EYA1: variants seen among roughly 807,000 people sequenced by gnomAD.
EYA1 encodes the protein protein phosphatase EYA1.
In EYA1, 16 loss-of-function variants were observed where a neutral mutation model predicts 82.0. That is an observed-to-expected ratio of 0.20 (90% confidence interval 0.13 to 0.30). EYA1 has a LOEUF of 0.30. EYA1 is among the 10% of genes least tolerant of loss of function. EYA1 has a pLI of 1.00. For missense variants in EYA1, 633 were observed against 730.7 expected, an observed-to-expected ratio of 0.87 and a Z score of 1.54; for synonymous variants, 261 against 264.4, an observed-to-expected ratio of 0.99 and a Z score of 0.12.
chr8:71,301,640 G>A (rs576861680), intron 7 of EYA1, among the ~76,000 whole-genome samples: 2 of 152,198 alleles, frequency 1.3e-5, no homozygotes, highest in African/African-American at 4.8e-5. Flanking sequence ...CTCTATTTGA[G>A]GTTTCTTCAT....
chr8:71,465,654 T>C (rs575949338), intron 2 of EYA1, among the ~76,000 whole-genome samples: 57 of 152,152 alleles, frequency 3.7e-4, no homozygotes, highest in Non-Finnish European at 6.0e-4. Context: ...AATGATAATA[T>C]AAAATGCACA....
chr8:71,287,114 A>T (rs1220873305), intron 9 of EYA1, among the ~76,000 whole-genome samples: 7 of 151,700 alleles, frequency 4.6e-5, no homozygotes, highest in African/African-American at 1.4e-4. Flanking sequence ...TTTTTTTTTT[A>T]GATTTTGGCA....
chr8:71,324,877 C>A (rs560639081), intron 4 of EYA1, among the ~76,000 whole-genome samples: 1 of 152,288 alleles, frequency 6.6e-6, no homozygotes, highest in South Asian at 2.1e-4. Context: ...GATCCCTGTC[C>A]TGGTTTAGGT....
At chr8:71,231,041 G>T (rs1049448097) in intron 12 of EYA1, among the ~76,000 whole-genome samples, 2 of 152,162 alleles carry the variant, frequency 1.3e-5, no homozygotes, top group Non-Finnish European at 1.5e-5. Context: ...TCCTTCCAGA[G>T]CCAGACCATT....
chr8:71,521,308 C>T (rs138760769), intron 2 of EYA1, among the ~76,000 whole-genome samples: 57 of 152,106 alleles, frequency 3.7e-4, no homozygotes, highest in Admixed American at 7.2e-4. Context: ...ATTTCAGTGA[C>T]GTGGAATTAA....
chr8:71,379,002 G>T (rs899692621), intron 2 of EYA1, among the ~76,000 whole-genome samples: 38 of 152,128 alleles, frequency 2.5e-4, no homozygotes, highest in African/African-American at 8.9e-4. Flanking sequence ...GTGAATGGGG[G>T]AATTCCTTTC....
chr8:71,319,154 G>A (rs867447168), intron 6 of EYA1, among the ~76,000 whole-genome samples: 10 of 149,252 alleles, frequency 6.7e-5, no homozygotes, highest in Middle Eastern at 6.8e-3. Flanking sequence ...TTTTTGAGAC[G>A]GAGTCTCGCT....
At chr8:71,324,073 C>T (rs1822884787) in intron 4 of EYA1, 1 of 152,142 alleles carries the variant, frequency 6.6e-6, no homozygotes, top group Non-Finnish European at 1.5e-5. Flanking sequence ...CCACAGAAAC[C>T]CCATTTATTC....
chr8:71,344,456 T>G (rs1363277498), intron 3 of EYA1, among the ~76,000 whole-genome samples: 1 of 152,226 alleles, frequency 6.6e-6, no homozygotes, highest in African/African-American at 2.4e-5. Flanking sequence ...TTACAAGCAG[T>G]ACATTGTTTG....
At chr8:71,362,832 A>G (rs550124117), upstream of EYA1, among the ~76,000 whole-genome samples, 9 of 152,322 alleles carry the variant, frequency 5.9e-5, no homozygotes, top group East Asian at 1.5e-3. Context: ...ATGACAGTCT[A>G]TAACACTCAC....
At chr8:71,369,593 T>C (rs1315914396) in intron 2 of EYA1, among the ~76,000 whole-genome samples, 4 of 152,124 alleles carry the variant, frequency 2.6e-5, no homozygotes, top group Admixed American at 2.0e-4. Flanking sequence ...GAGAAAAAAA[T>C]AGCAACAGAA....
intron 2 of EYA1, chr8:71,448,820 T>G (rs538065214): frequency 6.0e-6 from 1 of 166,442 alleles, no homozygotes; most frequent in Non-Finnish European, 1.4e-5. Context: ...TAAAAAGTGT[T>G]TCCTTTCCTA....
At position 71,460,586 on chromosome 8, in the gene EYA1, C is replaced by T. The variant is rs146064118; in HGVS notation, c.33+75158G>A. Among the ~76,000 whole-genome samples, 191 of 152,268 alleles carry T rather than the reference C, an allele frequency of 1.3e-3. 1 individual carries two copies. Among genetic ancestry groups the T allele is most frequent in the African/African-American group, 3.9e-3 (161 of 41,544 alleles). The stretch of plus-strand genomic sequence containing the variant: ...AGAAATAACCTAATGAGTAGGTTGT[C>T]ATGGCTGGGAAGTGGTGGGAAGGAG... On this transcript the variant is annotated intron_variant, in intron 2 of 18. Coordinates refer to the EYA1 transcript ENST00000643681.
At chr8:71,538,978 G>T (rs919518202) in intron 1 of EYA1, among the ~76,000 whole-genome samples, 1 of 152,004 alleles carries the variant, frequency 6.6e-6, no homozygotes, top group Admixed American at 6.5e-5. Flanking sequence ...CTTTATTTAC[G>T]CACTTTTGAG....
rs1047414787 is a variant in EYA1, at chr8:71,270,087, G to A, written c.967-264C>T. ...GATAATCTATGTCCTTTCTAATTCT[G>A]TAATAGAATTTCGGTCTCAGCTCTG... is the stretch of plus-strand genomic sequence containing the variant. On this transcript the variant is annotated intron_variant, in intron 10 of 17. Coordinates refer to ENST00000340726, the MANE Select transcript of EYA1 (RefSeq NM_000503.6). 47 of 362,818 alleles carry A rather than the reference G, an allele frequency of 1.3e-4. 1 individual carries two copies. The highest frequency in any genetic ancestry group is 8.8e-4 in the Middle Eastern group (1 of 1,140). The allele number at this position is 362,818 out of a possible 1,614,324, so 22.5% of individuals were successfully genotyped here.
At chr8:71,474,760 A>C (rs1809517630) in intron 2 of EYA1, among the ~76,000 whole-genome samples, 1 of 152,212 alleles carries the variant, frequency 6.6e-6, no homozygotes, top group Non-Finnish European at 1.5e-5. Flanking sequence ...AATCAAATGT[A>C]CATGTTTAGC....
intron 9 of EYA1, among the ~76,000 whole-genome samples, chr8:71,285,839 T>C (rs1254178212): frequency 6.6e-6 from 1 of 152,262 alleles, no homozygotes; most frequent in Non-Finnish European, 1.5e-5. Flanking sequence ...TCTCTGGTTC[T>C]TATTCTTGTT....
chr8:71,339,957 C>A (rs1824931885), intron 3 of EYA1, among the ~76,000 whole-genome samples: 2 of 152,076 alleles, frequency 1.3e-5, no homozygotes, highest in South Asian at 4.2e-4. Flanking sequence ...TCTGTCCTGG[C>A]CACACTCTAT....
At chr8:71,236,778 T>C (rs1024758979) in intron 12 of EYA1, among the ~76,000 whole-genome samples, 6 of 152,246 alleles carry the variant, frequency 3.9e-5, no homozygotes, top group African/African-American at 1.4e-4. Flanking sequence ...GTAAAAGATA[T>C]AGGACAAGTG....
Sources: allele counts gnomAD v4.1 joint callset (sites outside exome capture counted in the v4.1 genomes callset), GRCh38; gene constraint gnomAD v4.1.1; transcripts MANE v1.5; gene names NCBI Gene and HGNC (gene_info 2026-07-23, HGNC 2026-07-21).